The following UBASH3B variants were observed in gnomAD, a reference collection of about 807,000 sequenced individuals.
The protein encoded by UBASH3B is ubiquitin associated and SH3 domain containing B.
Under a neutral mutation model 83.4 loss-of-function variants are expected in UBASH3B, and 37 were observed. The observed-to-expected ratio is 0.44, with a 90% CI of 0.34 to 0.58. The LOEUF is 0.58. Ranked by LOEUF, UBASH3B falls within the 20% of genes least tolerant of loss-of-function variation. The probability of loss-of-function intolerance (pLI) is 0.01; values close to 1 mark genes in which losing one functional copy is unlikely to be tolerated. For synonymous variants in UBASH3B, 304 were observed against 318.3 expected (o/e 0.96, Z 0.48); for missense variants, 657 against 827.2 (o/e 0.79, Z 2.52).
At chr11:122,720,597 A>G (rs1220526150) in intron 1 of UBASH3B, among the ~76,000 whole-genome samples, 2 of 152,136 alleles carry the variant, frequency 1.3e-5, no homozygotes, top group African/African-American at 2.4e-5. Flanking sequence ...TCTGTTTCCT[A>G]GCATGTACCT....
chr11:122,737,611 CTT>C (rs34707512), intron 1 of UBASH3B, among the ~76,000 whole-genome samples: 206 of 151,202 alleles, frequency 1.4e-3, no homozygotes, highest in South Asian at 9.2e-3. Context: ...TCCCCTAGCC[CTT>C]TTTTTTTTCA....
At chr11:122,711,312 A>G (rs553504305) in intron 1 of UBASH3B, among the ~76,000 whole-genome samples, 2 of 152,282 alleles carry the variant, frequency 1.3e-5, no homozygotes, top group African/African-American at 4.8e-5. Flanking sequence ...AGGGAAAGAG[A>G]GGAGAGGTAA....
At chr11:122,728,464 G>T (rs776270333) in intron 1 of UBASH3B, among the ~76,000 whole-genome samples, 2 of 152,176 alleles carry the variant, frequency 1.3e-5, no homozygotes, top group South Asian at 2.1e-4. Context: ...ATAGATGGGG[G>T]CCACCAGCCC....
chr11:122,789,250 C>G lies in UBASH3B; in HGVS notation c.922C>G (p.Leu308Val). The G allele has an allele frequency of 6.2e-7, 1 of 1,614,246 alleles. No homozygotes were observed. The highest frequency in any genetic ancestry group is 8.5e-7 in the Non-Finnish European group (1 of 1,180,046). Residue 308 changes from leucine to valine, a missense_variant, in exon 6 of 14, where the codon CTC becomes GTC. Physicochemically the swap from Leu to Val is conservative, Grantham distance 32. This residue lies in a region of UBASH3B where 573 missense variants were observed against 739.0 expected (regional missense o/e 0.78). Transcript: ENST00000284273. ...GTSLTTGCSGLLPENYITKAD... is the reference protein window; with the variant it reads ...GTSLTTGCSGVLPENYITKAD... ...GTCCTTAACCACCGGCTGCTCTGGA[C>G]TCCTGCCTGAGAATTACATTACCAA... is the stretch of plus-strand genomic sequence containing the variant.
At chr11:122,707,896 T>C (rs957734509) in intron 1 of UBASH3B, among the ~76,000 whole-genome samples, 4 of 152,180 alleles carry the variant, frequency 2.6e-5, no homozygotes, top group Admixed American at 2.6e-4. Flanking sequence ...GGTTTCACCA[T>C]ATTGGCCAGG....
chr11:122,708,540 C>T (rs1414434206), intron 1 of UBASH3B, among the ~76,000 whole-genome samples: 1 of 152,036 alleles, frequency 6.6e-6, no homozygotes, highest in Admixed American at 6.6e-5. Context: ...GTGATCCGCC[C>T]ACCTTGGCCT....
At chr11:122,771,800 A>C (rs1374017983) in intron 1 of UBASH3B, among the ~76,000 whole-genome samples, 1 of 151,446 alleles carries the variant, frequency 6.6e-6, no homozygotes, top group Non-Finnish European at 1.5e-5. Context: ...CTAAAATAAT[A>C]ATCACCTTTT....
At chr11:122,691,448 C>T (rs1863895850) in intron 1 of UBASH3B, among the ~76,000 whole-genome samples, 1 of 152,222 alleles carries the variant, frequency 6.6e-6, no homozygotes. Context: ...ATGCTTTCAA[C>T]ACAGGCTGTG....
intron 1 of UBASH3B, among the ~76,000 whole-genome samples, chr11:122,710,414 C>A (rs1864176761): frequency 6.6e-6 from 1 of 152,142 alleles, no homozygotes. Context: ...CTTCTGCACA[C>A]ATTATCTCTG....
intron 1 of UBASH3B, among the ~76,000 whole-genome samples, chr11:122,670,385 G>A (rs1015709004): frequency 6.6e-5 from 10 of 152,134 alleles, no homozygotes; most frequent in African/African-American, 2.4e-4. Flanking sequence ...AAGGGCTCCT[G>A]GGGCAGAATG....
At chr11:122,794,390 A>G (rs999367218) in intron 6 of UBASH3B, among the ~76,000 whole-genome samples, 3 of 152,108 alleles carry the variant, frequency 2.0e-5, no homozygotes, top group Non-Finnish European at 4.4e-5. Context: ...TATTTTTAGT[A>G]GAGATGGGAT....
At chr11:122,776,752 A>G (rs573163424) in intron 2 of UBASH3B, among the ~76,000 whole-genome samples, 573 of 152,298 alleles carry the variant, frequency 3.8e-3, no homozygotes, top group African/African-American at 0.013. Context: ...AGTTGATCCA[A>G]GAATGCTTCC....
chr11:122,686,176 G>A (rs1279290682), intron 1 of UBASH3B, among the ~76,000 whole-genome samples: 1 of 152,172 alleles, frequency 6.6e-6, no homozygotes, highest in African/African-American at 2.4e-5. Flanking sequence ...GAGTCCTTTG[G>A]GGAACATGAT....
intron 1 of UBASH3B, among the ~76,000 whole-genome samples, chr11:122,716,966 G>A (rs1371111118): frequency 6.6e-6 from 1 of 152,148 alleles, no homozygotes; most frequent in Non-Finnish European, 1.5e-5. Context: ...CTCCCGTCCT[G>A]TCTAAGTAGT....
chr11:122,674,525 C>T (rs1396172945), intron 1 of UBASH3B, among the ~76,000 whole-genome samples: 3 of 151,846 alleles, frequency 2.0e-5, no homozygotes, highest in East Asian at 1.9e-4. Flanking sequence ...GGACTACAGG[C>T]GCCCGCCACC....
chr11:122,805,401 G>A lies in UBASH3B; in HGVS notation c.1596-1009G>A, dbSNP rs184248429. 4.1e-3 allele frequency among the ~76,000 whole-genome samples: 630 copies of A among 152,184 alleles called. 3 individuals are homozygous for A. Among genetic ancestry groups the A allele is most frequent in the African/African-American group, 0.013 (548 of 41,528 alleles). On this transcript the variant is annotated intron_variant, in intron 11 of 13. Coordinates refer to ENST00000284273, the MANE Select transcript of UBASH3B (RefSeq NM_032873.5). ...TACAAAATTAGCCGGGTGTGGTGGC[G>A]CATGCCTCTAATCCCAGCTACTTGG...
At position 122,655,984 on chromosome 11, in the gene UBASH3B, A is replaced by C. The variant is rs1591756168; in HGVS notation, c.-66A>C. 53 of 1,092,588 alleles carry C rather than the reference A, an allele frequency of 4.9e-5. No homozygotes were observed. Among genetic ancestry groups the C allele is most frequent in the Middle Eastern group, 3.3e-4 (1 of 3,028 alleles). The allele number at this position is 1,092,588 out of a possible 1,614,324, so 67.7% of individuals were successfully genotyped here. On this transcript the variant is annotated 5_prime_UTR_variant, in exon 1 of 14. Transcript: ENST00000284273. ...GAGCCCCCTCCCCTGGCCCAGCCCG[A>C]CTCCCTCCTCCTTCCCGAACCATCC... is the stretch of plus-strand genomic sequence containing the variant.
chr11:122,806,275 C>CT lies in UBASH3B; in HGVS notation c.1596-132dup. On this transcript the variant is annotated intron_variant, in intron 11 of 13. Transcript: ENST00000284273. This position sits in a 1 kb window ranked among gnomAD's most constrained non-coding sequence, Gnocchi z 4.0. ...AAATGCTGTTCCCTATACCTTTCTC[C>CT]TTTCTAGGGAAATGGATAAACAAAC... 2.7e-6 allele frequency: 2 copies of CT among 732,482 alleles called. No individual in the cohort carries two copies. Among genetic ancestry groups the CT allele is most frequent in the Non-Finnish European group, 4.4e-6 (2 of 451,098 alleles). 45.4% of individuals were successfully genotyped at this position (732,482 alleles called of 1,614,324 possible). A position where few individuals can be genotyped will look rare whatever the true frequency, so the allele number is the denominator to read the frequency against.
At chr11:122,803,450 G>T (rs561983697) in intron 11 of UBASH3B, among the ~76,000 whole-genome samples, 1 of 152,266 alleles carries the variant, frequency 6.6e-6, no homozygotes, top group African/African-American at 2.4e-5. Flanking sequence ...GAGAACAGGA[G>T]GGAGGTGGGA....
Sources: gnomAD v4.1 joint callset for allele counts (sites outside exome capture counted in the v4.1 genomes callset) on GRCh38, gnomAD v4.1.1 for gene constraint, gnomAD v4.1.1 regional missense constraint, Gnocchi (gnomAD v3.1) non-coding constraint, MANE v1.5 for transcripts, NCBI Gene and HGNC (gene_info 2026-07-23, HGNC 2026-07-21) for gene names.